Variants in RXRA observed in about 807,000 individuals in gnomAD.
The protein encoded by RXRA is retinoic acid receptor RXR-alpha.
Under a neutral mutation model 44.5 loss-of-function variants are expected in RXRA, and 5 were observed. The observed-to-expected ratio is 0.11, with a 90% CI of 0.06 to 0.24. The LOEUF (loss-of-function observed/expected upper bound fraction) is 0.24, where lower values mean the gene tolerates loss of function less well. Ranked by LOEUF, RXRA falls within the 10% of genes least tolerant of loss-of-function variation. RXRA has a pLI of 1.00. For synonymous variants in RXRA, 291 were observed against 271.4 expected, an observed-to-expected ratio of 1.07 and a Z score of -0.71; for missense variants, 412 against 646.5, an observed-to-expected ratio of 0.64 and a Z score of 3.93.
At chr9:134,392,608 TC>T (rs1283648733) in intron 1 of RXRA, among the ~76,000 whole-genome samples, 1 of 152,128 alleles carries the variant, frequency 6.6e-6, no homozygotes, top group Non-Finnish European at 1.5e-5. Context: ...GACTTCTGGG[TC>T]CCTGGGATGG....
intron 1 of RXRA, among the ~76,000 whole-genome samples, chr9:134,377,064 G>C (rs953612994): frequency 6.6e-6 from 1 of 152,196 alleles, no homozygotes; most frequent in South Asian, 2.1e-4. Flanking sequence ...CCTAGGGGCC[G>C]ACCCTGTGAG....
chr9:134,406,936 T>TG (rs1417993764), intron 2 of RXRA, among the ~76,000 whole-genome samples: 2 of 152,226 alleles, frequency 1.3e-5, no homozygotes, highest in Admixed American at 6.5e-5. Context: ...ACATGAACAC[T>TG]GGGCATTTGG....
At chr9:134,374,558 C>T (rs868751875) in intron 1 of RXRA, among the ~76,000 whole-genome samples, 2 of 152,214 alleles carry the variant, frequency 1.3e-5, no homozygotes, top group Admixed American at 6.5e-5. Flanking sequence ...CCCCCGCCTC[C>T]GGTCTTCCTC....
intron 1 of RXRA, among the ~76,000 whole-genome samples, chr9:134,330,574 AT>A (rs1355760915): frequency 4.6e-5 from 7 of 152,048 alleles, no homozygotes; most frequent in Non-Finnish European, 8.8e-5. Context: ...GTATGTTTCC[AT>A]TTTATAGGGT....
At position 134,365,358 on chromosome 9, in the gene RXRA, G is replaced by A. The variant is rs1329575961; in HGVS notation, c.29-36274G>A. Among the ~76,000 whole-genome samples, 1 of 152,248 alleles carries A rather than the reference G, an allele frequency of 6.6e-6. No individual in the cohort carries two copies. The highest frequency in any genetic ancestry group is 1.5e-5 in the Non-Finnish European group (1 of 68,040). ...AGTGACCAGGCGGCCTTGGGTCTCT[G>A]GTGAGCTCAGGGAGCGGGGTCCACG... On this transcript the variant is annotated intron_variant, in intron 1 of 9. Transcript: ENST00000481739. The surrounding 1 kb of genome is among the most constrained non-coding windows in gnomAD (Gnocchi z 4.0).
At chr9:134,429,320 C>A in intron 7 of RXRA, 80 bp downstream of exon 7, 2 of 1,414,618 alleles carry the variant, frequency 1.4e-6, no homozygotes, top group East Asian at 2.3e-5. Context: ...ACCTTGGCCC[C>A]GGTGCACATC....
At chr9:134,391,820 C>A (rs924180594) in intron 1 of RXRA, among the ~76,000 whole-genome samples, 1 of 152,228 alleles carries the variant, frequency 6.6e-6, no homozygotes, top group Non-Finnish European at 1.5e-5. Flanking sequence ...GGCCTCCAGG[C>A]GTTGACCCGG....
chr9:134,330,580 T>A (rs1037850667), intron 1 of RXRA, among the ~76,000 whole-genome samples: 7 of 152,216 alleles, frequency 4.6e-5, no homozygotes, highest in Non-Finnish European at 8.8e-5. Flanking sequence ...TTCCATTTTA[T>A]AGGGTGCAGC....
At position 134,384,786 on chromosome 9, in the gene RXRA, G is replaced by A. The variant is rs1273931078; in HGVS notation, c.29-16846G>A. ...TGCTGCCTTGACGCTGGTGCCCTGG[G>A]CTTTTGTGGGCAGTGGGTTTCCCTG... On this transcript the variant is annotated intron_variant, in intron 1 of 9. Coordinates refer to ENST00000481739, the MANE Select transcript of RXRA (RefSeq NM_002957.6). Among the ~76,000 whole-genome samples the A allele has an allele frequency of 9.2e-5, 14 of 152,332 alleles. No individual in the cohort carries two copies. The East Asian group carries it at 2.5e-3, about 27-fold the overall frequency.
At position 134,342,791 on chromosome 9, in the gene RXRA, C is replaced by G. The variant is rs1434395311; in HGVS notation, c.28+16132C>G. Among the ~76,000 whole-genome samples, 4 of 152,174 alleles carry G rather than the reference C, an allele frequency of 2.6e-5. No homozygotes were observed. Among genetic ancestry groups the G allele is most frequent in the African/African-American group, 7.2e-5 (3 of 41,440 alleles). ...CGCCGCGGAGGAGGCTGCCTACCTG[C>G]CTTCCTGGCCCTTCCTGCTCTGGCT... On this transcript the variant is annotated intron_variant, in intron 1 of 9. Coordinates refer to ENST00000481739, the MANE Select transcript of RXRA (RefSeq NM_002957.6). This position sits in a 1 kb window ranked among gnomAD's most constrained non-coding sequence, Gnocchi z 4.4.
At chr9:134,378,871 C>T (rs1421438767) in intron 1 of RXRA, among the ~76,000 whole-genome samples, 1 of 152,232 alleles carries the variant, frequency 6.6e-6, no homozygotes, top group East Asian at 1.9e-4. Flanking sequence ...GGGCAGGAGC[C>T]AGACCATCCT....
intron 1 of RXRA, among the ~76,000 whole-genome samples, chr9:134,331,946 T>C (rs1274839604): frequency 6.6e-6 from 1 of 152,200 alleles, no homozygotes; most frequent in Non-Finnish European, 1.5e-5. Context: ...AGGAGCCCCA[T>C]TGCTGGTCTT....
Position 134,352,475 on chromosome 9 carries a change from C to T in RXRA, c.28+25816C>T, listed in dbSNP as rs551347479. On this transcript the variant is annotated intron_variant, in intron 1 of 9. Coordinates refer to ENST00000481739, the MANE Select transcript of RXRA (RefSeq NM_002957.6). ...CAGCACAGGACCTGGTGGGGCTGTC[C>T]TGCCCTCCCTGCCTCGCCCCTGCCC... 3.0e-4 allele frequency among the ~76,000 whole-genome samples: 45 copies of T among 152,280 alleles called. No individual in the cohort carries two copies. In the East Asian group the frequency reaches 5.4e-3, roughly 18 times the overall value.
At chr9:134,423,606 A>G (rs1831383826) in intron 6 of RXRA, 5 of 985,352 alleles carry the variant, frequency 5.1e-6, no homozygotes, top group South Asian at 4.7e-5. Flanking sequence ...TCCCATCTCA[A>G]AGTCCTTGAC....
chr9:134,330,808 T>G (rs1281816394), intron 1 of RXRA, among the ~76,000 whole-genome samples: 2 of 152,230 alleles, frequency 1.3e-5, no homozygotes, highest in African/African-American at 4.8e-5. Flanking sequence ...CTCTTGGGGC[T>G]TTGGCTGTCC....
rs898310756 is a variant in RXRA, at chr9:134,433,648, G to C, written c.1136-454G>C. On this transcript the variant is annotated intron_variant, in intron 8 of 9. Coordinates refer to ENST00000481739, the MANE Select transcript of RXRA (RefSeq NM_002957.6). The surrounding 1 kb of genome is among the most constrained non-coding windows in gnomAD (Gnocchi z 4.2). ...GAGCTCAGGACTCCGCAAGCACACC[G>C]AGGATGGGTTTCCGCAGGGTCTGGG... Among the ~76,000 whole-genome samples the C allele has an allele frequency of 6.6e-6, 1 of 152,082 alleles. No homozygotes were observed. The highest frequency in any genetic ancestry group is 2.1e-4 in the South Asian group (1 of 4,826).
chr9:134,347,470 C>T (rs1043010620), intron 1 of RXRA, among the ~76,000 whole-genome samples: 2 of 152,174 alleles, frequency 1.3e-5, no homozygotes, highest in Non-Finnish European at 1.5e-5. Flanking sequence ...CCGCAGTGTC[C>T]GGGCTTCTGC....
Position 134,438,756 on chromosome 9 carries a change from T to C in RXRA, c.*2142T>C, listed in dbSNP as rs1481084687. The C allele has an allele frequency of 6.5e-6, 1 of 152,834 alleles. No homozygotes were observed. Among genetic ancestry groups the C allele is most frequent in the African/African-American group, 2.4e-5 (1 of 41,480 alleles). 9.5% of individuals were successfully genotyped at this position (152,834 alleles called of 1,614,324 possible). ...CCATCCGTGCCCGGACCCTTGGGAATGCCCGCGGCTCCAGAGGAAAAAGCC... is the reference window on the plus strand; with the variant it reads ...CCATCCGTGCCCGGACCCTTGGGAACGCCCGCGGCTCCAGAGGAAAAAGCC... On this transcript the variant is annotated 3_prime_UTR_variant, in exon 10 of 10. Transcript: ENST00000481739.
At chr9:134,377,839 C>G (rs1304113896) in intron 1 of RXRA, among the ~76,000 whole-genome samples, 2 of 152,254 alleles carry the variant, frequency 1.3e-5, no homozygotes, top group Non-Finnish European at 2.9e-5. Context: ...CCCCTCCACA[C>G]CCACCTCCAT....
Sources: gnomAD v4.1 joint callset for allele counts (sites outside exome capture counted in the v4.1 genomes callset) on GRCh38, gnomAD v4.1.1 for gene constraint, Gnocchi (gnomAD v3.1) non-coding constraint, MANE v1.5 for transcripts, NCBI Gene and HGNC (gene_info 2026-07-23, HGNC 2026-07-21) for gene names.